PCDH11X: variants seen among roughly 807,000 people sequenced by gnomAD.
PCDH11X encodes protocadherin 11 X-linked.
In PCDH11X, 18 loss-of-function variants were observed where a neutral mutation model predicts 53.3. That is an observed-to-expected ratio of 0.34 (90% CI 0.23 to 0.50). PCDH11X has a LOEUF of 0.50. PCDH11X is among the 20% of genes least tolerant of loss of function. The pLI, the probability that PCDH11X is intolerant of heterozygous loss-of-function variation, is 0.98. For missense variants in PCDH11X, 570 were observed against 1,032.4 expected, an observed-to-expected ratio of 0.55 and a Z score of 6.14; for synonymous variants, 279 against 393.3, an observed-to-expected ratio of 0.71 and a Z score of 3.44.
At chrX:92,363,135 G>A (rs2070384910) in intron 8 of PCDH11X, among the ~76,000 whole-genome samples, 1 of 110,707 alleles carries the variant, frequency 9.0e-6, no homozygotes, top group Non-Finnish European at 1.9e-5. Context: ...CACTATTGCA[G>A]GTCTCTTGAA....
At chrX:91,835,101 A>G (rs1359217555) in intron 4 of PCDH11X, 1 of 643,372 alleles carries the variant, frequency 1.6e-6, no homozygotes, top group Admixed American at 6.7e-5. Context: ...ATTTGTAACA[A>G]ATACCCTTTA....
At chrX:92,091,787 G>A (rs1400450735) in intron 6 of PCDH11X, among the ~76,000 whole-genome samples, 1 of 111,141 alleles carries the variant, frequency 9.0e-6, no homozygotes, top group Admixed American at 9.6e-5. Context: ...TTGTGCAGAG[G>A]AAGCTCTCAG....
At chrX:91,910,126 T>C in intron 6 of PCDH11X, among the ~76,000 whole-genome samples, 1 of 109,189 alleles carries the variant, frequency 9.2e-6, no homozygotes, top group Non-Finnish European at 1.9e-5. Context: ...GATAAACATT[T>C]TTTGTAGCAT....
chrX:91,821,151 T>A (rs1602289589), intron 4 of PCDH11X, among the ~76,000 whole-genome samples: 1 of 107,409 alleles, frequency 9.3e-6, no homozygotes, highest in Admixed American at 9.8e-5. Flanking sequence ...GACTTGGCGA[T>A]GCGGGCTCTT....
At chrX:91,889,840 GAA>G (rs751865074) in intron 6 of PCDH11X, among the ~76,000 whole-genome samples, 16 of 110,445 alleles carry the variant, frequency 1.4e-4, no homozygotes, top group Non-Finnish European at 2.8e-4. Context: ...ATTTTCGATA[GAA>G]AAAAGAGTTT....
At chrX:92,003,850 T>C (rs2062552554) in intron 6 of PCDH11X, among the ~76,000 whole-genome samples, 1 of 110,814 alleles carries the variant, frequency 9.0e-6, no homozygotes, top group South Asian at 3.8e-4. Context: ...TTTTTTAACC[T>C]ATCTTTGTAT....
intron 6 of PCDH11X, among the ~76,000 whole-genome samples, chrX:92,172,166 A>C (rs191258607): frequency 2.3e-4 from 26 of 110,693 alleles, no homozygotes; most frequent in African/African-American, 8.2e-4. Context: ...TAGAACCTCC[A>C]GTGCAATGTT....
intron 8 of PCDH11X, among the ~76,000 whole-genome samples, chrX:92,305,281 G>A (rs911246432): frequency 8.3e-5 from 9 of 108,968 alleles, no homozygotes; most frequent in Non-Finnish European, 1.9e-5. Flanking sequence ...ACCACAGATG[G>A]GGTAACTTAA....
chrX:92,542,431 G>A (rs1392913817), intron 10 of PCDH11X, among the ~76,000 whole-genome samples: 1 of 111,196 alleles, frequency 9.0e-6, no homozygotes, highest in African/African-American at 3.3e-5. Flanking sequence ...CATACTTTAT[G>A]TTATATTGTT....
chrX:92,232,772 A>C (rs1467643686), intron 7 of PCDH11X, among the ~76,000 whole-genome samples: 2 of 112,128 alleles, frequency 1.8e-5, no homozygotes, highest in Admixed American at 9.4e-5. Context: ...GCTGGAGTGC[A>C]GTGGTGCGAT....
chrX:92,609,841 C>CT (rs1188184466), intron 10 of PCDH11X, among the ~76,000 whole-genome samples: 6 of 111,248 alleles, frequency 5.4e-5, no homozygotes, highest in African/African-American at 2.0e-4. Context: ...TAAGGGAGAA[C>CT]ATGCGATATT....
chrX:91,836,191 A>G (rs1937293942), intron 5 of PCDH11X, 147 bp downstream of exon 5: 2 of 838,842 alleles, frequency 2.4e-6, no homozygotes, highest in African/African-American at 2.2e-5. Flanking sequence ...GAGAAAATTC[A>G]TCAATGCAGT....
At chrX:92,499,109 C>T (rs2073911631) in intron 10 of PCDH11X, among the ~76,000 whole-genome samples, 2 of 106,919 alleles carry the variant, frequency 1.9e-5, no homozygotes, top group Admixed American at 1.0e-4. Context: ...AACTAATATT[C>T]ATTCTAGTTC....
chrX:92,228,419 TTCAGTAAGAATTCTACATTTGTTTCC>T (rs2067008445), intron 7 of PCDH11X, among the ~76,000 whole-genome samples: 1 of 111,638 alleles, frequency 9.0e-6, no homozygotes, highest in African/African-American at 3.3e-5. Flanking sequence ...ATTCAAATTT[TTCAGTAAGAATTCTACATTTGTTTCC>T]TCTCCTTTGA....
At chrX:92,046,737 T>G in intron 6 of PCDH11X, among the ~76,000 whole-genome samples, 1 of 110,787 alleles carries the variant, frequency 9.0e-6, no homozygotes, top group Non-Finnish European at 1.9e-5. Flanking sequence ...TTTATTAAAC[T>G]GAGTAAAATA....
intron 10 of PCDH11X, among the ~76,000 whole-genome samples, chrX:92,593,464 C>G (rs753943619): frequency 8.9e-6 from 1 of 111,817 alleles, no homozygotes; most frequent in African/African-American, 3.2e-5. Flanking sequence ...ATTTTACATG[C>G]ATGTTGTGAA....
chrX:92,417,756 A>G (rs1335971316), intron 9 of PCDH11X, among the ~76,000 whole-genome samples: 58 of 108,476 alleles, frequency 5.3e-4, no homozygotes, highest in Non-Finnish European at 9.4e-4. Context: ...TTAGTATTGA[A>G]CAACTGCAAA....
At chrX:92,277,156 G>A (rs1200436046) in intron 8 of PCDH11X, among the ~76,000 whole-genome samples, 2 of 110,005 alleles carry the variant, frequency 1.8e-5, no homozygotes, top group African/African-American at 3.3e-5. Flanking sequence ...GTGACGCTTG[G>A]GGTTGGGACT....
chrX:92,084,903 G>T (rs1458433409), intron 6 of PCDH11X, among the ~76,000 whole-genome samples: 2 of 110,610 alleles, frequency 1.8e-5, no homozygotes, highest in African/African-American at 3.3e-5. Context: ...TTCATCACAG[G>T]CTTCTTTATT....
Sources: allele counts gnomAD v4.1 joint callset (sites outside exome capture counted in the v4.1 genomes callset), GRCh38; gene constraint gnomAD v4.1.1; transcripts MANE v1.5; gene names NCBI Gene and HGNC (gene_info 2026-07-23, HGNC 2026-07-21).